Variants in SF3B2 observed in about 807,000 individuals in gnomAD.
SF3B2 encodes SAP 145.
In SF3B2, 22 loss-of-function variants were observed where a neutral mutation model predicts 116.3. The observed-to-expected ratio is 0.19, with a 90% CI of 0.14 to 0.27. SF3B2 has a LOEUF of 0.27. SF3B2 is among the 10% of genes least tolerant of loss of function. The probability of loss-of-function intolerance (pLI) is 1.00; values close to 1 mark genes in which losing one functional copy is unlikely to be tolerated. For synonymous variants in SF3B2, 406 were observed against 421.6 expected, an observed-to-expected ratio of 0.96 and a Z score of 0.45; for missense variants, 767 against 1,151.4, an observed-to-expected ratio of 0.67 and a Z score of 4.83.
At position 66,055,247 on chromosome 11, in the gene SF3B2, G is replaced by C. The variant is rs750586914; in HGVS notation, c.430G>C (p.Glu144Gln). ...RVGEPVALSE[E>Q]ERLKLAQQQA... is the part of the protein sequence containing the mutation. ...GGGTGAGCCAGTGGCACTGTCAGAG[G>C]AGGAGCGGCTGAAGTTGGCTCAGCA... Residue 144 changes from glutamate to glutamine, a missense_variant, in exon 4 of 22, where the codon GAG becomes CAG. Glu to Gln is a conservative substitution (Grantham distance 29). Transcript: ENST00000322535. 1 of 1,614,028 alleles carries C rather than the reference G, an allele frequency of 6.2e-7. No homozygotes were observed. The highest frequency in any genetic ancestry group is 8.5e-7 in the Non-Finnish European group (1 of 1,179,940).
chr11:66,052,838 C>T, intron 2 of SF3B2, 119 bp downstream of exon 2: 2 of 1,317,256 alleles, frequency 1.5e-6, no homozygotes, highest in South Asian at 1.4e-5. Context: ...GGAGGCTTGC[C>T]CTTTTTAGCT....
At chr11:66,063,342 C>T (rs1361603684) in intron 17 of SF3B2, 58 bp from the exon 18 acceptor site, 2 of 1,529,574 alleles carry the variant, frequency 1.3e-6, no homozygotes, top group Non-Finnish European at 8.9e-7. Context: ...TTAAAACAGC[C>T]TGGCACATAA....
rs1857143978 is a variant in SF3B2, at chr11:66,064,324, C to T, written c.2330+595C>T. Reference sequence around the variant, plus strand: ...TGGTTAATTAGCTGTTAAGTTTTTGCTTTGTTATTTTAGTTGTTGCTCTGG... The same window carrying T: ...TGGTTAATTAGCTGTTAAGTTTTTGTTTTGTTATTTTAGTTGTTGCTCTGG... On this transcript the variant is annotated intron_variant, in intron 19 of 21. Transcript: ENST00000322535. Among the ~76,000 whole-genome samples the T allele has an allele frequency of 2.6e-5, 4 of 152,020 alleles. No individual in the cohort carries two copies. In the South Asian group the frequency reaches 8.3e-4, roughly 31 times the overall value.
Position 66,068,705 on chromosome 11 carries a change from G to C in SF3B2, c.2648G>C (p.Ser883Thr). 6.2e-7 allele frequency: 1 copy of C among 1,614,092 alleles called. No homozygotes were observed. The highest frequency in any genetic ancestry group is 8.5e-7 in the Non-Finnish European group (1 of 1,180,008). ...AAACGGAAAGCTCAGCCCCAGGACAGCCGTGGGGGCAGCAAGAAATATAAG... is the reference window on the plus strand; with the variant it reads ...AAACGGAAAGCTCAGCCCCAGGACACCCGTGGGGGCAGCAAGAAATATAAG... The part of the protein sequence containing the change: ...QKKRKAQPQD[S>T]RGGSKKYKEF... Residue 883 changes from serine (S) to threonine (T), a missense_variant, in exon 22 of 22, where the codon AGC becomes ACC. Around this residue, in one of 4 missense-constraint regions of SF3B2, gnomAD observed 27 missense variants for 28.0 expected, o/e 0.96. Transcript: ENST00000322535.
intron 5 of SF3B2, 140 bp downstream of exon 5, chr11:66,055,725 A>G (rs1856982409): frequency 1.6e-5 from 12 of 728,028 alleles, no homozygotes; most frequent in South Asian, 9.7e-5. Flanking sequence ...AAAGCTTTCA[A>G]TTTTTCTTGA....
Position 66,063,424 on chromosome 11 carries a change from G to A in SF3B2, c.2110G>A (p.Asp704Asn). Residue 704 changes from aspartate (D) to asparagine (N), a missense_variant, in exon 18 of 22, where the codon GAT becomes AAT. Physicochemically the swap from Asp to Asn is conservative, Grantham distance 23 (BLOSUM62 1). Coordinates refer to ENST00000322535, the MANE Select transcript of SF3B2 (RefSeq NM_006842.3). Reference protein sequence around the residue: ...FQTKTEEEEIDRTPWGELEPS... With the variant: ...FQTKTEEEEINRTPWGELEPS... ...GACCAAGACTGAGGAAGAAGAGATT[G>A]ATCGGACCCCTTGGGGGGAACTGGA... The A allele has an allele frequency of 6.2e-7, 1 of 1,613,764 alleles. No homozygotes were observed. The highest frequency in any genetic ancestry group is 8.5e-7 in the Non-Finnish European group (1 of 1,179,824).
intron 1 of SF3B2, 64 bp from the exon 2 acceptor site, chr11:66,052,609 A>C: frequency 1.9e-6 from 3 of 1,591,124 alleles, no homozygotes; most frequent in Non-Finnish European, 2.6e-6. Context: ...GGGCGGAGGC[A>C]GGCCGCTGGG....
rs1337750659 is a variant in SF3B2, at chr11:66,055,569, T to C, written c.533T>C (p.Leu178Ser). The change falls in exon 5 of 22, where the codon TTG becomes TCG. Residue 178 changes from leucine (L) to serine (S), a missense_variant. Transcript: ENST00000322535. ...CATTCGCTGAAGGAACATGAGCTCT[T>C]GGAGCAGCAGAAGCGGGTAATACCC... ...GDHSLKEHELLEQQKRAAVLL... is the reference protein window; with the variant it reads ...GDHSLKEHELSEQQKRAAVLL... 6.2e-7 allele frequency: 1 copy of C among 1,614,184 alleles called. No homozygotes were observed. The highest frequency in any genetic ancestry group is 8.5e-7 in the Non-Finnish European group (1 of 1,180,036).
rs1345468262 is a variant in SF3B2, at chr11:66,059,735, T to C, written c.1402-47T>C. ...CTTTGAGGAAGAAGAGCTTCAGAACTGAGAAGTCGGGGCTCTCGAGAACAC... is the reference window on the plus strand; with the variant it reads ...CTTTGAGGAAGAAGAGCTTCAGAACCGAGAAGTCGGGGCTCTCGAGAACAC... On this transcript the variant is annotated intron_variant, in intron 12 of 21. Transcript: ENST00000322535. The surrounding 1 kb of genome is among the most constrained non-coding windows in gnomAD (Gnocchi z 5.0). 1 of 1,607,758 alleles carries C rather than the reference T, an allele frequency of 6.2e-7. No individual in the cohort carries two copies.
chr11:66,053,002 AC>A (rs779644031), intron 2 of SF3B2, 24 bp from the exon 3 acceptor site: 2 of 1,611,860 alleles, frequency 1.2e-6, no homozygotes, highest in Admixed American at 1.7e-5. Context: ...TTTTGGACTG[AC>A]CTAGAGTCCT....
Position 66,059,552 on chromosome 11 carries a change from A to G in SF3B2, c.1358A>G (p.Lys453Arg). The G allele has an allele frequency of 6.2e-7, 1 of 1,614,004 alleles. No individual in the cohort carries two copies. The highest frequency in any genetic ancestry group is 1.1e-5 in the South Asian group (1 of 91,082). The stretch of plus-strand genomic sequence containing the variant: ...GAAGCCCCCAAGCTGTCCAAGAAGA[A>G]GTTGCGCCGAATGAACCGCTTCACT... ...KPEAPKLSKKKLRRMNRFTVA... is the reference protein window; with the variant it reads ...KPEAPKLSKKRLRRMNRFTVA... The change falls in exon 12 of 22, where the codon AAG becomes AGG. Residue 453 changes from lysine (K) to arginine (R), a missense_variant. This residue lies in a region of SF3B2 where 282 missense variants were observed against 568.0 expected (regional missense o/e 0.50). Transcript: ENST00000322535. This position sits in a 1 kb window ranked among gnomAD's most constrained non-coding sequence, Gnocchi z 5.0.
rs371288801 is a variant in SF3B2 at position 66,059,761 on chromosome 11, G to A, written c.1402-21G>A. ...GAGAAGTCGGGGCTCTCGAGAACAC[G>A]CATTACTATGTGTTTTCCAGCTGGT... On this transcript the variant is annotated intron_variant, in intron 12 of 21. Coordinates refer to ENST00000322535, the MANE Select transcript of SF3B2 (RefSeq NM_006842.3). The surrounding 1 kb of genome is among the most constrained non-coding windows in gnomAD (Gnocchi z 5.0). The A allele has an allele frequency of 1.1e-4, 172 of 1,612,718 alleles. 1 individual carries two copies. In the South Asian group the frequency reaches 1.2e-3, roughly 12 times the overall value.
intron 14 of SF3B2, among the ~76,000 whole-genome samples, chr11:66,061,075 C>A (rs1565090306): frequency 6.6e-6 from 1 of 152,178 alleles, no homozygotes; most frequent in African/African-American, 2.4e-5. Flanking sequence ...GGTTTATAGG[C>A]ATGAACCACC....
At chr11:66,058,497 C>T in intron 9 of SF3B2, 92 bp downstream of exon 9, 2 of 996,008 alleles carry the variant, frequency 2.0e-6, no homozygotes, top group Admixed American at 4.4e-5. Context: ...TAAGTAATAG[C>T]TTCTATTTTG....
In SF3B2 at chr11:66,068,749, C is replaced by A; in HGVS notation, c.*4C>A. 6.2e-7 allele frequency: 1 copy of A among 1,613,358 alleles called. No homozygotes were observed. Among genetic ancestry groups the A allele is most frequent in the Non-Finnish European group, 8.5e-7 (1 of 1,179,450 alleles). ...ATATAAGGAGTTCAAGTTTTAGGTC[C>A]CCTCACACTAGCCCTTTTTTTGGCC... On this transcript the variant is annotated 3_prime_UTR_variant, in exon 22 of 22. Transcript: ENST00000322535.
intron 13 of SF3B2, among the ~76,000 whole-genome samples, chr11:66,060,302 T>C (rs906260764): frequency 2.0e-5 from 3 of 152,200 alleles, no homozygotes; most frequent in African/African-American, 7.2e-5. Flanking sequence ...GAAAAGAACA[T>C]GGGGAAGTCT....
chr11:66,052,977 T>G, intron 2 of SF3B2, 50 bp from the exon 3 acceptor site: 1 of 1,562,188 alleles, frequency 6.4e-7, no homozygotes, highest in East Asian at 2.2e-5. Flanking sequence ...GAACGTCGTT[T>G]AGTGAAACAG....
intron 19 of SF3B2, chr11:66,067,020 C>T (rs1322276174): frequency 1.0e-5 from 2 of 191,224 alleles, no homozygotes; most frequent in Non-Finnish European, 2.2e-5. Context: ...GGGCTCATCA[C>T]ATTTGTTTCC....
At position 66,057,291 on chromosome 11, in the gene SF3B2, C is replaced by T. The variant is rs1044043353; in HGVS notation, c.693C>T (p.Gly231=). ...TAGCTGCTCCAGTGGGCCCAGTGGG[C>T]CCCACTCCTACAGTTTTGCCCATGG... is the stretch of plus-strand genomic sequence containing the variant. ...PRVAAPVGPV[G]PTPTVLPMGA... is the part of the protein sequence containing the mutation. The change falls in exon 7 of 22, where the codon GGC becomes GGT. Residue 231 remains glycine (G), a synonymous_variant. Transcript: ENST00000322535. 3.1e-6 allele frequency: 5 copies of T among 1,607,468 alleles called. No homozygotes were observed. In the Admixed American group the frequency reaches 8.3e-5, roughly 27 times the overall value.
Sources: allele counts gnomAD v4.1 joint callset (sites outside exome capture counted in the v4.1 genomes callset), GRCh38; gene constraint gnomAD v4.1.1; regional missense constraint gnomAD v4.1.1; non-coding constraint Gnocchi (gnomAD v3.1); transcripts MANE v1.5; gene names NCBI Gene and HGNC (gene_info 2026-07-23, HGNC 2026-07-21).